PPP2R3A: variants seen among roughly 807,000 people sequenced by gnomAD.
PPP2R3A encodes protein phosphatase 2 regulatory subunit B''alpha, also known as serine/threonine-protein phosphatase 2A regulatory subunit B'' subunit alpha.
In PPP2R3A, 80 loss-of-function variants were observed where a neutral mutation model predicts 106.9. The observed-to-expected ratio is 0.75, with a 90% CI of 0.62 to 0.90. PPP2R3A has a LOEUF of 0.90. Among genes scored for constraint, PPP2R3A ranks in the 40% least tolerant of loss-of-function variants. The probability of loss-of-function intolerance (pLI) is 0.00; values close to 1 mark genes in which losing one functional copy is unlikely to be tolerated. For missense variants in PPP2R3A, 1,386 were observed against 1,350.4 expected (o/e 1.03, Z -0.41); for synonymous variants, 483 against 468.3 (o/e 1.03, Z -0.41).
At chr3:135,973,178 G>A (rs907390886) in intron 1 of PPP2R3A, among the ~76,000 whole-genome samples, 1 of 152,172 alleles carries the variant, frequency 6.6e-6, no homozygotes, top group Admixed American at 6.5e-5. Flanking sequence ...AGCATAATTT[G>A]TTGAAAGAGC....
intron 1 of PPP2R3A, among the ~76,000 whole-genome samples, chr3:136,000,036 C>T (rs187407908): frequency 3.5e-4 from 53 of 152,278 alleles, no homozygotes; most frequent in Non-Finnish European, 6.5e-4. Context: ...TGCGGTTATT[C>T]TACCCTGGAG....
chr3:136,039,274 C>T (rs1188358221), intron 3 of PPP2R3A, among the ~76,000 whole-genome samples: 1 of 152,288 alleles, frequency 6.6e-6, no homozygotes, highest in East Asian at 1.9e-4. Flanking sequence ...TGAATAATAA[C>T]ATATTTATCT....
chr3:136,121,700 A>G (rs1443326711), intron 13 of PPP2R3A, among the ~76,000 whole-genome samples: 1 of 152,254 alleles, frequency 6.6e-6, no homozygotes, highest in Non-Finnish European at 1.5e-5. Context: ...AAGAGATTAT[A>G]TTAATAAATT....
At chr3:136,126,481 G>A (rs1256987879) in intron 13 of PPP2R3A, among the ~76,000 whole-genome samples, 2 of 152,214 alleles carry the variant, frequency 1.3e-5, no homozygotes, top group Non-Finnish European at 2.9e-5. Flanking sequence ...CTCGAACTGG[G>A]CAGAGCCCAC....
In PPP2R3A at chr3:136,001,059, G is replaced by T; in HGVS notation, c.-440G>T. The T allele has an allele frequency of 2.5e-6, 1 of 397,560 alleles. No homozygotes were observed. The highest frequency in any genetic ancestry group is 4.4e-6 in the Non-Finnish European group (1 of 225,636). The allele number at this position is 397,560 out of a possible 1,614,324, so 24.6% of individuals were successfully genotyped here. A position where few individuals can be genotyped will look rare whatever the true frequency, so the allele number is the denominator to read the frequency against. On this transcript the variant is annotated splice_region_variant and 5_prime_UTR_variant, in exon 2 of 14. Coordinates refer to ENST00000264977, the MANE Select transcript of PPP2R3A (RefSeq NM_002718.5). ...CTTTTAATTTTTTTTTTTATTACAGGTTTCTCTGTCATTCACAGAAAAATG... is the reference window on the plus strand; with the variant it reads ...CTTTTAATTTTTTTTTTTATTACAGTTTTCTCTGTCATTCACAGAAAAATG...
intron 13 of PPP2R3A, among the ~76,000 whole-genome samples, chr3:136,144,627 C>T (rs1939028993): frequency 6.6e-6 from 1 of 151,620 alleles, no homozygotes. Context: ...TGCCACTTCA[C>T]TCCAGACTGG....
chr3:135,970,414 C>T (rs1417374519), intron 1 of PPP2R3A, among the ~76,000 whole-genome samples: 1 of 152,102 alleles, frequency 6.6e-6, no homozygotes, highest in Admixed American at 6.5e-5. Context: ...AAAGGATTTT[C>T]AAGAGTAATT....
chr3:135,985,329 T>TTC lies in PPP2R3A; in HGVS notation c.-440-15711_-440-15710dup, dbSNP rs145190722. On this transcript the variant is annotated intron_variant, in intron 1 of 13. Transcript: ENST00000264977. Reference sequence around the variant, plus strand: ...TCTCTCTCTCTCTCCCCCTTTCCCTTTCTCTCTCTCTCTCTCTCTCCCCGC... The same window carrying TTC: ...TCTCTCTCTCTCTCCCCCTTTCCCTTTCTCTCTCTCTCTCTCTCTCTCCCCGC... 1.7e-3 allele frequency among the ~76,000 whole-genome samples: 217 copies of TTC among 128,638 alleles called. 2 individuals are homozygous for TTC. Among genetic ancestry groups the TTC allele is most frequent in the Middle Eastern group, 9.4e-3 (2 of 212 alleles). 84.4% of individuals were successfully genotyped at this position (128,638 alleles called of 152,430 possible). A position where few individuals can be genotyped will look rare whatever the true frequency, so the allele number is the denominator to read the frequency against.
chr3:136,119,513 T>G (rs1013750529), intron 13 of PPP2R3A, among the ~76,000 whole-genome samples: 5 of 150,866 alleles, frequency 3.3e-5, no homozygotes, highest in Non-Finnish European at 5.9e-5. Flanking sequence ...TTAAACAAAT[T>G]AAGAAAAAAG....
At chr3:136,145,008 C>T (rs369148268) in intron 13 of PPP2R3A, 35 bp from the exon 14 acceptor site, 8 of 1,595,480 alleles carry the variant, frequency 5.0e-6, no homozygotes, top group Non-Finnish European at 6.8e-6. Context: ...TTTAATCAAT[C>T]AATCAGTTAA....
intron 2 of PPP2R3A, among the ~76,000 whole-genome samples, chr3:136,015,546 G>T (rs1215424249): frequency 6.6e-6 from 1 of 152,006 alleles, no homozygotes. Context: ...ATCTAGGAGG[G>T]TTGTATATTT....
At chr3:136,050,331 A>G (rs1416816010) in intron 5 of PPP2R3A, among the ~76,000 whole-genome samples, 3 of 152,212 alleles carry the variant, frequency 2.0e-5, no homozygotes, top group East Asian at 1.9e-4. Flanking sequence ...TATCAGAAGT[A>G]TAAGTTTCTG....
chr3:136,093,435 GTGC>G (rs1388449606), intron 10 of PPP2R3A, among the ~76,000 whole-genome samples: 18 of 152,236 alleles, frequency 1.2e-4, no homozygotes, highest in African/African-American at 3.9e-4. Context: ...TAATACTTTT[GTGC>G]ATCAAAAGAT....
At chr3:136,141,562 C>G (rs993378662) in intron 13 of PPP2R3A, among the ~76,000 whole-genome samples, 1 of 152,188 alleles carries the variant, frequency 6.6e-6, no homozygotes, top group South Asian at 2.1e-4. Context: ...GAAGCCATTA[C>G]ATACATCTGA....
chr3:136,042,400 C>G (rs964165778), intron 4 of PPP2R3A, among the ~76,000 whole-genome samples: 1 of 152,022 alleles, frequency 6.6e-6, no homozygotes, highest in African/African-American at 2.4e-5. Context: ...GGGCTTAATA[C>G]CTAGGTGATG....
intron 3 of PPP2R3A, among the ~76,000 whole-genome samples, 179 bp downstream of exon 3, chr3:136,027,277 A>G (rs1934701343): frequency 6.6e-6 from 1 of 151,958 alleles, no homozygotes; most frequent in Non-Finnish European, 1.5e-5. Flanking sequence ...CCTATTTAAT[A>G]TAAGAATCCC....
chr3:136,018,671 G>C (rs925573490), intron 2 of PPP2R3A, among the ~76,000 whole-genome samples: 1 of 152,082 alleles, frequency 6.6e-6, no homozygotes, highest in African/African-American at 2.4e-5. Context: ...TTATTCCTCA[G>C]TTTTGTAGGT....
At chr3:136,092,837 T>C (rs956691573) in intron 10 of PPP2R3A, among the ~76,000 whole-genome samples, 8 of 152,188 alleles carry the variant, frequency 5.3e-5, no homozygotes, top group African/African-American at 1.9e-4. Context: ...CAAAATAATA[T>C]TAGGTTGGTG....
At chr3:136,075,598 T>G (rs1047332307) in intron 6 of PPP2R3A, among the ~76,000 whole-genome samples, 1 of 152,196 alleles carries the variant, frequency 6.6e-6, no homozygotes, top group Non-Finnish European at 1.5e-5. Context: ...ACAGTCAAAC[T>G]GTTTGCAGAT....
Sources: gnomAD v4.1 joint callset for allele counts (sites outside exome capture counted in the v4.1 genomes callset) on GRCh38, gnomAD v4.1.1 for gene constraint, MANE v1.5 for transcripts, NCBI Gene and HGNC (gene_info 2026-07-23, HGNC 2026-07-21) for gene names.